ELAC1: variants seen among roughly 807,000 people sequenced by gnomAD.
ELAC1 encodes elaC ribonuclease Z 1, also known as zinc phosphodiesterase ELAC protein 1.
In ELAC1, 19 loss-of-function variants were observed where a neutral mutation model predicts 25.8. That is an observed-to-expected ratio of 0.74 (90% CI 0.51 to 1.08). The LOEUF (loss-of-function observed/expected upper bound fraction) is 1.08. Ranked by LOEUF, ELAC1 falls within the 50% of genes least tolerant of loss-of-function variation. The pLI, the probability that ELAC1 is intolerant of heterozygous loss-of-function variation, is 0.00. For synonymous variants in ELAC1, 148 were observed against 160.9 expected (o/e 0.92, Z 0.61); for missense variants, 403 against 434.6 (o/e 0.93, Z 0.65).
chr18:50,974,463 G>GT lies in ELAC1; in HGVS notation c.60dup (p.Ala21CysfsTer9), dbSNP rs775236048. 13 of 1,599,680 alleles carry GT rather than the reference G, an allele frequency of 8.1e-6. No homozygotes were observed. In the South Asian group the frequency reaches 1.5e-4, roughly 18 times the overall value. ...GCAGCATACCCATCTCCAACCCGGG[G>GT]TGCCTCTGCTGTGGTCCTTCGGTGT... On this transcript the variant is annotated frameshift_variant, in exon 2 of 4. Coordinates refer to ENST00000269466, the MANE Select transcript of ELAC1 (RefSeq NM_018696.3). LOFTEE classifies it high-confidence loss of function.
chr18:50,974,582 C>G (rs1009788826), intron 2 of ELAC1, 21 bp downstream of exon 2: 1 of 1,612,052 alleles, frequency 6.2e-7, no homozygotes, highest in Non-Finnish European at 8.5e-7. Context: ...CTTCAGCTAT[C>G]TCATTAAGAT....
At chr18:50,972,399 C>T (rs1301926915) in intron 1 of ELAC1, among the ~76,000 whole-genome samples, 1 of 151,994 alleles carries the variant, frequency 6.6e-6, no homozygotes, top group African/African-American at 2.4e-5. Context: ...GTATTGATTC[C>T]GATAGGTAGC....
chr18:50,983,384 C>T (rs1444253220), intron 2 of ELAC1, among the ~76,000 whole-genome samples: 7 of 151,726 alleles, frequency 4.6e-5, no homozygotes, highest in Admixed American at 1.3e-4. Flanking sequence ...AGGCTGGTCT[C>T]GAACTCCCGA....
rs749079789 is a variant in ELAC1, at chr18:50,984,476, C to G, written c.538C>G (p.Leu180Val). Reference protein sequence around the residue: ...DEQFVVKAFRLFHRIPSFGFS... With the variant: ...DEQFVVKAFRVFHRIPSFGFS... ...ACAATTTGTTGTAAAAGCATTTCGC[C>G]TCTTTCACAGAATTCCCTCATTTGG... Residue 180 changes from leucine (L) to valine (V), a missense_variant, in exon 3 of 4, where the codon CTC (leucine) becomes GTC (valine). Transcript: ENST00000269466. 44 of 1,614,068 alleles carry G rather than the reference C, an allele frequency of 2.7e-5. No individual in the cohort carries two copies. Among genetic ancestry groups the G allele is most frequent in the Non-Finnish European group, 3.6e-5 (43 of 1,180,026 alleles).
At chr18:50,983,188 G>C (rs557852351) in intron 2 of ELAC1, among the ~76,000 whole-genome samples, 2 of 81,634 alleles carry the variant, frequency 2.4e-5, no homozygotes, top group Admixed American at 3.6e-4. Context: ...TTTTGAGACA[G>C]TTTCGCTCTT....
intron 2 of ELAC1, 133 bp from the exon 3 acceptor site, chr18:50,983,963 A>T: frequency 1.8e-6 from 1 of 549,190 alleles, no homozygotes; most frequent in Non-Finnish European, 3.1e-6. Context: ...GAATAAGTTT[A>T]TGATGATAAG....
At chr18:50,977,436 G>A (rs1035084651) in intron 2 of ELAC1, among the ~76,000 whole-genome samples, 1 of 152,180 alleles carries the variant, frequency 6.6e-6, no homozygotes, top group African/African-American at 2.4e-5. Context: ...TAAGGCTTGG[G>A]GCTTGCAGTC....
chr18:50,973,870 C>G (rs1447922151), intron 1 of ELAC1, among the ~76,000 whole-genome samples: 1 of 152,118 alleles, frequency 6.6e-6, no homozygotes, highest in Non-Finnish European at 1.5e-5. Context: ...ACATGTGTTA[C>G]AGTTGTTGAG....
At chr18:50,971,912 GTATA>G (rs66495742) in intron 1 of ELAC1, among the ~76,000 whole-genome samples, 3,221 of 76,406 alleles carry the variant, frequency 0.042, 54 homozygotes, top group Middle Eastern at 0.081. Context: ...GTGTGTGTGT[GTATA>G]TATATATATA....
chr18:50,971,293 G>T lies in ELAC1; in HGVS notation c.-8-3104G>T, dbSNP rs1272509443. On this transcript the variant is annotated intron_variant, in intron 1 of 3. Coordinates refer to ENST00000269466, the MANE Select transcript of ELAC1 (RefSeq NM_018696.3). ...GCAATTCATAACTTTGTCACCATTA[G>T]TTTGTGACAGTAGCCATTTACCGTC... Among the ~76,000 whole-genome samples, 3 of 152,164 alleles carry T rather than the reference G, an allele frequency of 2.0e-5. No individual in the cohort carries two copies. In the South Asian group the frequency reaches 6.2e-4, roughly 32 times the overall value.
At chr18:50,981,603 T>C (rs1423770173) in intron 2 of ELAC1, among the ~76,000 whole-genome samples, 1 of 152,218 alleles carries the variant, frequency 6.6e-6, no homozygotes, top group Non-Finnish European at 1.5e-5. Flanking sequence ...TTGATAATTG[T>C]GGTTGCCATT....
chr18:50,968,136 AG>A (rs1322444480), intron 1 of ELAC1, 22 bp downstream of exon 1: 2 of 152,096 alleles, frequency 1.3e-5, no homozygotes, highest in Non-Finnish European at 2.9e-5. Flanking sequence ...AGGGCATACC[AG>A]AGGGGGGCGG....
At chr18:50,983,131 G>A (rs1036472135) in intron 2 of ELAC1, among the ~76,000 whole-genome samples, 2 of 134,330 alleles carry the variant, frequency 1.5e-5, no homozygotes, top group South Asian at 2.4e-4. Context: ...AATTATTTTG[G>A]TACACTTGTA....
chr18:50,975,358 G>C (rs1207384441), intron 2 of ELAC1, among the ~76,000 whole-genome samples: 1 of 151,890 alleles, frequency 6.6e-6, no homozygotes, highest in Non-Finnish European at 1.5e-5. Context: ...AATCCTCCTG[G>C]ATTAAGTAGT....
chr18:50,971,200 A>G (rs1907641589), intron 1 of ELAC1, among the ~76,000 whole-genome samples: 1 of 152,226 alleles, frequency 6.6e-6, no homozygotes, highest in African/African-American at 2.4e-5. Context: ...GGGTGAAAGC[A>G]TATAATTATC....
At chr18:50,975,782 A>C (rs146116465) in intron 2 of ELAC1, among the ~76,000 whole-genome samples, 1 of 152,274 alleles carries the variant, frequency 6.6e-6, no homozygotes, top group East Asian at 1.9e-4. Flanking sequence ...ACAGTAATCA[A>C]TCATGTAATG....
chr18:50,987,111 A>C lies in ELAC1; in HGVS notation c.*26A>C, dbSNP rs2144328920. ...AACCAGTGTTCCTGAGTGCACACTG[A>C]CATGTCTGTGAATATGTTACTGAAC... On this transcript the variant is annotated 3_prime_UTR_variant, in exon 4 of 4. Coordinates refer to ENST00000269466, the MANE Select transcript of ELAC1 (RefSeq NM_018696.3). The C allele has an allele frequency of 7.0e-7, 1 of 1,438,680 alleles. No individual in the cohort carries two copies. Among genetic ancestry groups the C allele is most frequent in the Non-Finnish European group, 9.4e-7 (1 of 1,066,834 alleles). 89.1% of individuals were successfully genotyped at this position (1,438,680 alleles called of 1,614,324 possible).
chr18:50,981,244 CA>C (rs1460081120), intron 2 of ELAC1, among the ~76,000 whole-genome samples: 1 of 151,960 alleles, frequency 6.6e-6, no homozygotes, highest in East Asian at 1.9e-4. Flanking sequence ...AAAATTCAAA[CA>C]AAAGAGAAAA....
chr18:50,984,804 T>G lies in ELAC1; in HGVS notation c.625+241T>G, dbSNP rs185572981. 891 of 558,440 alleles carry G rather than the reference T, an allele frequency of 1.6e-3. 4 individuals are homozygous for G. Among genetic ancestry groups the G allele is most frequent in the Non-Finnish European group, 2.3e-3 (720 of 318,318 alleles). The allele number at this position is 558,440 out of a possible 1,614,324, so 34.6% of individuals were successfully genotyped here. A position where few individuals can be genotyped will look rare whatever the true frequency, so the allele number is the denominator to read the frequency against. On this transcript the variant is annotated intron_variant, in intron 3 of 3. Coordinates refer to ENST00000269466, the MANE Select transcript of ELAC1 (RefSeq NM_018696.3). Reference sequence around the variant, plus strand: ...AAAAGTAACTGGGTGTGGTGTCATGTGCCTGTAGTCCCAGCTACTTGGGGG... The same window carrying G: ...AAAAGTAACTGGGTGTGGTGTCATGGGCCTGTAGTCCCAGCTACTTGGGGG...
Sources: gnomAD v4.1 joint callset for allele counts (sites outside exome capture counted in the v4.1 genomes callset) on GRCh38, gnomAD v4.1.1 for gene constraint, MANE v1.5 for transcripts, NCBI Gene and HGNC (gene_info 2026-07-23, HGNC 2026-07-21) for gene names.